Variants in IQCB1 observed in about 807,000 individuals in gnomAD.
IQCB1 encodes IQ motif containing B1.
A neutral mutation model predicts 84.4 loss-of-function variants in IQCB1; 56 were observed. That is an observed-to-expected ratio of 0.66 (90% confidence interval 0.54 to 0.83). The LOEUF (loss-of-function observed/expected upper bound fraction) is 0.83, where lower values mean the gene tolerates loss of function less well. Ranked by LOEUF, IQCB1 falls within the 40% of genes least tolerant of loss-of-function variation. The pLI, the probability that IQCB1 is intolerant of heterozygous loss-of-function variation, is 0.00. For synonymous variants in IQCB1, 210 were observed against 234.8 expected, an observed-to-expected ratio of 0.89 and a Z score of 0.96; for missense variants, 629 against 682.1, an observed-to-expected ratio of 0.92 and a Z score of 0.87.
At chr3:121,775,999 G>A (rs1948209451) in intron 13 of IQCB1, among the ~76,000 whole-genome samples, 1 of 151,878 alleles carries the variant, frequency 6.6e-6, no homozygotes, top group African/African-American at 2.4e-5. Context: ...ATTCTACTCT[G>A]TCTGGCTTCT....
chr3:121,801,293 T>A (rs1057021280), intron 7 of IQCB1, among the ~76,000 whole-genome samples: 2 of 152,076 alleles, frequency 1.3e-5, no homozygotes, highest in African/African-American at 4.8e-5. Context: ...CATTTGAGTT[T>A]TAGCTAGTCC....
rs1477195035 is a variant in IQCB1 at position 121,828,850 on chromosome 3, G to A, written c.100+11C>T. 1 of 1,496,374 alleles carries A rather than the reference G, an allele frequency of 6.7e-7. No individual in the cohort carries two copies. The highest frequency in any genetic ancestry group is 1.4e-5 in the African/African-American group (1 of 72,506). The allele number at this position is 1,496,374 out of a possible 1,614,324, so 92.7% of individuals were successfully genotyped here. On this transcript the variant is annotated intron_variant, in intron 3 of 14. Coordinates refer to ENST00000310864, the MANE Select transcript of IQCB1 (RefSeq NM_001023570.4). ...TTAAAATGCTATCTAATCACAAAAA[G>A]ATTTTCTTACCTTTTAACTTCAACA...
rs1336569061 is a variant in IQCB1, at chr3:121,795,493, A to G, written c.950T>C (p.Leu317Pro). ...CTGCAAAGCAATCACAGCAGATGGA[A>G]GCTTCTTTAATCTCTTTCTTGTCTG... Reference protein sequence around the residue: ...GFQTRKRLKKLPSAVIALQRS... With the variant: ...GFQTRKRLKKPPSAVIALQRS... Residue 317 changes from leucine (L) to proline (P), a missense_variant, in exon 10 of 15, where the codon CTT (leucine) becomes CCT (proline). By Grantham distance (98) the Leu-to-Pro change is moderately conservative. Coordinates refer to ENST00000310864, the MANE Select transcript of IQCB1 (RefSeq NM_001023570.4). 1.2e-6 allele frequency: 2 copies of G among 1,607,712 alleles called. No individual in the cohort carries two copies.
rs574290389 is a variant in IQCB1 at position 121,799,389 on chromosome 3, T to TAAAAAAAAAA, written c.588-25_588-16dup. 7.4e-7 allele frequency: 1 copy of TAAAAAAAAAA among 1,346,306 alleles called. No homozygotes were observed. Among genetic ancestry groups the TAAAAAAAAAA allele is most frequent in the Non-Finnish European group, 1.0e-6 (1 of 977,178 alleles). 83.4% of individuals were successfully genotyped at this position (1,346,306 alleles called of 1,614,324 possible). A position where few individuals can be genotyped will look rare whatever the true frequency, so the allele number is the denominator to read the frequency against. On this transcript the variant is annotated splice_polypyrimidine_tract_variant and intron_variant, in intron 7 of 14. Transcript: ENST00000310864. Reference sequence around the variant, plus strand: ...GTAAATCACCACTAATAGAACAAAATAAAAAAAAAAGTACCATTACTAATT... The same window carrying TAAAAAAAAAA: ...GTAAATCACCACTAATAGAACAAAATAAAAAAAAAAAAAAAAAAAAGTACCATTACTAATT...
At chr3:121,799,804 A>G (rs2108572589) in intron 7 of IQCB1, among the ~76,000 whole-genome samples, 1 of 152,036 alleles carries the variant, frequency 6.6e-6, no homozygotes, top group East Asian at 1.9e-4. Flanking sequence ...CATGTGCTTA[A>G]TATAGGAGAA....
At chr3:121,790,040 T>A in intron 11 of IQCB1, 33 bp downstream of exon 11, 1 of 1,589,308 alleles carries the variant, frequency 6.3e-7, no homozygotes, top group Non-Finnish European at 8.6e-7. Flanking sequence ...ACCTAAATAT[T>A]CTTATATTGA....
chr3:121,814,441 G>A (rs558834552), intron 5 of IQCB1, among the ~76,000 whole-genome samples: 2 of 152,038 alleles, frequency 1.3e-5, no homozygotes, highest in African/African-American at 4.8e-5. Flanking sequence ...AGGAGATAGA[G>A]ACACGAAAAA....
chr3:121,806,573 C>A (rs982318761), intron 7 of IQCB1, among the ~76,000 whole-genome samples: 1 of 152,036 alleles, frequency 6.6e-6, no homozygotes, highest in Non-Finnish European at 1.5e-5. Flanking sequence ...CCTGGAATTA[C>A]TGCTTTCTCT....
chr3:121,824,668 G>A (rs1950398440), intron 5 of IQCB1, among the ~76,000 whole-genome samples: 1 of 149,358 alleles, frequency 6.7e-6, no homozygotes, highest in Non-Finnish European at 1.5e-5. Flanking sequence ...TCATCCAGAA[G>A]ATATAATATT....
intron 13 of IQCB1, among the ~76,000 whole-genome samples, chr3:121,778,984 T>A (rs902909719): frequency 2.6e-5 from 4 of 151,946 alleles, no homozygotes; most frequent in East Asian, 1.9e-4. Flanking sequence ...CATTTAAAAA[T>A]TTTTTTACAC....
At chr3:121,831,971 C>T (rs1266587817) in intron 2 of IQCB1, among the ~76,000 whole-genome samples, 1 of 152,166 alleles carries the variant, frequency 6.6e-6, no homozygotes, top group Non-Finnish European at 1.5e-5. Flanking sequence ...TAAACATCAC[C>T]TCTACTGGAG....
chr3:121,819,904 G>T (rs1221702233), intron 5 of IQCB1, among the ~76,000 whole-genome samples: 1 of 151,872 alleles, frequency 6.6e-6, no homozygotes, highest in Non-Finnish European at 1.5e-5. Flanking sequence ...AAAATTTTTG[G>T]TATTTCTTTG....
chr3:121,828,615 G>C lies in IQCB1; in HGVS notation c.118C>G (p.Pro40Ala), dbSNP rs750396752. Residue 40 changes from proline (P) to alanine (A), a missense_variant, in exon 4 of 15, where the codon CCT becomes GCT. Pro to Ala is a conservative substitution (Grantham distance 27). Coordinates refer to ENST00000310864, the MANE Select transcript of IQCB1 (RefSeq NM_001023570.4). ...LKLKEIINIT[P>A]LGSSELKKIK... ...TTCTTCAACTCTGAGCTTCCTAAAGGTGTGATGTTTATTATTTCTAAGGCA... is the reference window on the plus strand; with the variant it reads ...TTCTTCAACTCTGAGCTTCCTAAAGCTGTGATGTTTATTATTTCTAAGGCA... The C allele has an allele frequency of 1.3e-6, 2 of 1,599,060 alleles. No homozygotes were observed. The highest frequency in any genetic ancestry group is 1.3e-5 in the African/African-American group (1 of 74,618).
chr3:121,807,590 G>C (rs905512179), intron 6 of IQCB1, 147 bp from the exon 7 acceptor site: 1 of 559,136 alleles, frequency 1.8e-6, no homozygotes, highest in East Asian at 3.1e-5. Context: ...AAGACTTTAA[G>C]ATGTAAAATT....
intron 13 of IQCB1, among the ~76,000 whole-genome samples, chr3:121,779,596 T>C (rs148490888): frequency 6.6e-6 from 1 of 152,272 alleles, no homozygotes; most frequent in Non-Finnish European, 1.5e-5. Flanking sequence ...ATCTATGTAA[T>C]TTCTGGGTTG....
chr3:121,820,836 C>G (rs1409017709), intron 5 of IQCB1, among the ~76,000 whole-genome samples: 20 of 151,606 alleles, frequency 1.3e-4, no homozygotes, highest in Admixed American at 1.1e-3. Context: ...AGTCAAGACA[C>G]TTATTACCTT....
chr3:121,819,218 TAA>T (rs1950183058), intron 5 of IQCB1, among the ~76,000 whole-genome samples: 1 of 152,144 alleles, frequency 6.6e-6, no homozygotes, highest in Non-Finnish European at 1.5e-5. Flanking sequence ...TTCCTGCAAC[TAA>T]AGAGTCTCAT....
intron 7 of IQCB1, among the ~76,000 whole-genome samples, chr3:121,802,745 C>T (rs920730655): frequency 2.6e-5 from 4 of 152,012 alleles, no homozygotes; most frequent in Non-Finnish European, 4.4e-5. Context: ...AGGGGAAAGC[C>T]GAGGTCAATG....
At chr3:121,774,022 T>TA (rs1247234949) in intron 13 of IQCB1, among the ~76,000 whole-genome samples, 37 of 152,174 alleles carry the variant, frequency 2.4e-4, no homozygotes, top group Admixed American at 1.6e-3. Flanking sequence ...TCTAAGGGAT[T>TA]AATCTCCATA....
Sources: allele counts gnomAD v4.1 joint callset (sites outside exome capture counted in the v4.1 genomes callset), GRCh38; gene constraint gnomAD v4.1.1; transcripts MANE v1.5; gene names NCBI Gene and HGNC (gene_info 2026-07-23, HGNC 2026-07-21).